The following BAIAP2L1 variants were observed in gnomAD, a reference collection of about 807,000 sequenced individuals.
The protein encoded by BAIAP2L1 is BAR/IMD domain-containing adapter protein 2-like 1.
Under a neutral mutation model 66.3 loss-of-function variants are expected in BAIAP2L1, and 35 were observed. The observed-to-expected ratio is 0.53, with a 90% confidence interval of 0.40 to 0.70. The LOEUF is 0.70. BAIAP2L1 is among the 30% of genes least tolerant of loss of function. The pLI is 0.00. For synonymous variants in BAIAP2L1, 269 were observed against 248.7 expected, an observed-to-expected ratio of 1.08 and a Z score of -0.77; for missense variants, 622 against 656.9, an observed-to-expected ratio of 0.95 and a Z score of 0.58.
chr7:98,361,341 A>T (rs183123523), intron 2 of BAIAP2L1, among the ~76,000 whole-genome samples: 2 of 151,460 alleles, frequency 1.3e-5, no homozygotes, highest in African/African-American at 4.9e-5. Flanking sequence ...TGGGCGACAG[A>T]GCAAGACTCT....
chr7:98,387,121 A>C (rs145820815), intron 1 of BAIAP2L1, among the ~76,000 whole-genome samples: 1 of 152,234 alleles, frequency 6.6e-6, no homozygotes, highest in East Asian at 1.9e-4. Context: ...CAAATATTGA[A>C]GTTGTAAAGG....
At chr7:98,296,500 C>T (rs562812490) in intron 12 of BAIAP2L1, among the ~76,000 whole-genome samples, 3 of 152,216 alleles carry the variant, frequency 2.0e-5, no homozygotes, top group African/African-American at 4.8e-5. Flanking sequence ...TGGCGCACGC[C>T]GGTAATCCCA....
At chr7:98,350,583 C>T (rs746781320) in intron 3 of BAIAP2L1, among the ~76,000 whole-genome samples, 14 of 152,218 alleles carry the variant, frequency 9.2e-5, no homozygotes, top group East Asian at 5.8e-4. Context: ...TGCTTGAAGC[C>T]GGGACACAGA....
intron 12 of BAIAP2L1, among the ~76,000 whole-genome samples, chr7:98,302,774 C>A (rs1183515840): frequency 2.0e-5 from 3 of 152,178 alleles, no homozygotes; most frequent in African/African-American, 7.2e-5. Flanking sequence ...CAGATTCAAA[C>A]AACTACACTG....
chr7:98,340,612 G>C (rs910016051), intron 3 of BAIAP2L1, among the ~76,000 whole-genome samples: 1 of 152,102 alleles, frequency 6.6e-6, no homozygotes, highest in Admixed American at 6.6e-5. Context: ...ACTAATTATA[G>C]TACATTGAGT....
rs1280930439 is a variant in BAIAP2L1 at position 98,400,904 on chromosome 7, G to A, written c.-52C>T. 5.4e-6 allele frequency: 8 copies of A among 1,487,484 alleles called. No homozygotes were observed. The highest frequency in any genetic ancestry group is 7.1e-6 in the Non-Finnish European group (8 of 1,119,186). The allele number at this position is 1,487,484 out of a possible 1,614,324, so 92.1% of individuals were successfully genotyped here. ...CGGGAGGACGCGGCTGGGCCTCGTG[G>A]CCGCCGGACTCCGGGCAGCGGGAGG... On this transcript the variant is annotated 5_prime_UTR_variant, in exon 1 of 14. Transcript: ENST00000005260.
intron 2 of BAIAP2L1, among the ~76,000 whole-genome samples, chr7:98,360,341 C>G (rs999906667): frequency 1.3e-5 from 2 of 152,178 alleles, no homozygotes; most frequent in African/African-American, 4.8e-5. Flanking sequence ...CCACGCCCAG[C>G]CTGCCTTGTG....
rs1490524075 is a variant in BAIAP2L1, at chr7:98,305,079, C to T, written c.1242-703G>A. 1.6e-4 allele frequency among the ~76,000 whole-genome samples: 16 copies of T among 102,272 alleles called. No homozygotes were observed. The East Asian group carries it at 4.4e-3, about 28-fold the overall frequency. 67.1% of individuals were successfully genotyped at this position (102,272 alleles called of 152,430 possible). A position where few individuals can be genotyped will look rare whatever the true frequency, so the allele number is the denominator to read the frequency against. Reference sequence around the variant, plus strand: ...TTTTTTTTTTTTTTTTTAGTAGAGACGGGGTTTCATTATGTTGGCCAGGCT... The same window carrying T: ...TTTTTTTTTTTTTTTTTAGTAGAGATGGGGTTTCATTATGTTGGCCAGGCT... On this transcript the variant is annotated intron_variant, in intron 11 of 13. Coordinates refer to ENST00000005260, the MANE Select transcript of BAIAP2L1 (RefSeq NM_018842.5).
Position 98,293,312 on chromosome 7 carries a change from G to A in BAIAP2L1, c.*209C>T, listed in dbSNP as rs1800047020. 2.0e-6 allele frequency: 1 copy of A among 500,022 alleles called. No individual in the cohort carries two copies. The highest frequency in any genetic ancestry group is 3.6e-6 in the Non-Finnish European group (1 of 277,968). 31.0% of individuals were successfully genotyped at this position (500,022 alleles called of 1,614,324 possible). A position where few individuals can be genotyped will look rare whatever the true frequency, so the allele number is the denominator to read the frequency against. On this transcript the variant is annotated 3_prime_UTR_variant, in exon 14 of 14. Transcript: ENST00000005260. Reference sequence around the variant, plus strand: ...GAAAATATTTTAAATGGCTGAGCTGGTCATTAGACTATTACTCATTTATCT... The same window carrying A: ...GAAAATATTTTAAATGGCTGAGCTGATCATTAGACTATTACTCATTTATCT...
intron 8 of BAIAP2L1, among the ~76,000 whole-genome samples, chr7:98,311,404 C>T (rs1173401404): frequency 6.6e-6 from 1 of 151,762 alleles, no homozygotes; most frequent in Non-Finnish European, 1.5e-5. Flanking sequence ...ATTAGCCAGG[C>T]ATGGTGGCGG....
intron 5 of BAIAP2L1, 46 bp downstream of exon 5, chr7:98,320,012 G>C (rs754522020): frequency 9.9e-6 from 15 of 1,509,020 alleles, no homozygotes; most frequent in Middle Eastern, 1.7e-4. Flanking sequence ...CAGGCTGGGA[G>C]GTCAGGCAGC....
intron 1 of BAIAP2L1, among the ~76,000 whole-genome samples, chr7:98,371,119 C>T (rs1802502470): frequency 6.6e-6 from 1 of 151,956 alleles, no homozygotes; most frequent in African/African-American, 2.4e-5. Context: ...AAGTTTGGCA[C>T]TAAGAATTAA....
rs182905348 is a variant in BAIAP2L1, at chr7:98,345,633, G to A, written c.214+9409C>T. ...CCAGCTACTCGGGAGGCTGAGGGAC[G>A]AGAATCGCTTCAACCTGGGAGGCAG... On this transcript the variant is annotated intron_variant, in intron 3 of 13. Coordinates refer to ENST00000005260, the MANE Select transcript of BAIAP2L1 (RefSeq NM_018842.5). Among the ~76,000 whole-genome samples, 123 of 152,168 alleles carry A rather than the reference G, an allele frequency of 8.1e-4. 1 individual carries two copies. In the East Asian group the frequency reaches 0.023, roughly 28 times the overall value.
At position 98,395,134 on chromosome 7, in the gene BAIAP2L1, C is replaced by T. The variant is rs1401074388; in HGVS notation, c.51+5668G>A. On this transcript the variant is annotated intron_variant, in intron 1 of 13. Transcript: ENST00000005260. ...TCAAAAAAACAAAACAAAACAAAAC[C>T]AAAGAAAGAAAGAAAATAATCCCAG... Among the ~76,000 whole-genome samples the T allele has an allele frequency of 2.6e-5, 4 of 151,086 alleles. No individual in the cohort carries two copies. In the South Asian group the frequency reaches 8.5e-4, roughly 32 times the overall value.
At chr7:98,322,858 A>G in intron 3 of BAIAP2L1, 1 of 152,294 alleles carries the variant, frequency 6.6e-6, no homozygotes, top group African/African-American at 2.4e-5. Flanking sequence ...TGCTCCCGCC[A>G]TGGTGTTCCA....
At chr7:98,371,312 G>C (rs573354073) in intron 1 of BAIAP2L1, among the ~76,000 whole-genome samples, 1 of 152,076 alleles carries the variant, frequency 6.6e-6, no homozygotes, top group African/African-American at 2.4e-5. Flanking sequence ...TCCATCCAGG[G>C]AAGGGCATGC....
intron 3 of BAIAP2L1, among the ~76,000 whole-genome samples, chr7:98,348,784 G>C (rs925565786): frequency 1.3e-5 from 2 of 152,196 alleles, no homozygotes; most frequent in African/African-American, 4.8e-5. Context: ...GACCTGGAAG[G>C]CGTGGCTGTC....
intron 12 of BAIAP2L1, among the ~76,000 whole-genome samples, chr7:98,295,267 C>T (rs1042983493): frequency 3.3e-5 from 5 of 152,138 alleles, no homozygotes; most frequent in African/African-American, 9.6e-5. Flanking sequence ...AGTTTGGGAG[C>T]CCCAGGGCTG....
intron 2 of BAIAP2L1, among the ~76,000 whole-genome samples, chr7:98,357,556 A>T (rs2115706088): frequency 8.4e-6 from 1 of 119,496 alleles, no homozygotes; most frequent in African/African-American, 3.6e-5. Context: ...ACAAAGTGAG[A>T]CTCAGTCTCA....
Sources: gnomAD v4.1 joint callset for allele counts (sites outside exome capture counted in the v4.1 genomes callset) on GRCh38, gnomAD v4.1.1 for gene constraint, MANE v1.5 for transcripts, NCBI Gene and HGNC (gene_info 2026-07-23, HGNC 2026-07-21) for gene names.